The following ANKH variants were observed in gnomAD, a reference collection of about 807,000 sequenced individuals.
The protein encoded by ANKH is ANKH inorganic pyrophosphate transport regulator.
A neutral mutation model predicts 49.0 loss-of-function variants in ANKH; 15 were observed. That is an observed-to-expected ratio of 0.31 (90% CI 0.20 to 0.47). The LOEUF is 0.47. Ranked by LOEUF, ANKH falls within the 20% of genes least tolerant of loss-of-function variation. ANKH has a pLI of 1.00. For synonymous variants in ANKH, 273 were observed against 260.0 expected, an observed-to-expected ratio of 1.05 and a Z score of -0.48; for missense variants, 429 against 652.0, an observed-to-expected ratio of 0.66 and a Z score of 3.72.
chr5:14,800,731 T>C (rs1367468836), intron 1 of ANKH, among the ~76,000 whole-genome samples: 1 of 150,318 alleles, frequency 6.7e-6, no homozygotes, highest in Non-Finnish European at 1.5e-5. Flanking sequence ...TTTTTTCTTT[T>C]TTTTTTTTTT....
At position 14,725,543 on chromosome 5, in the gene ANKH, A is replaced by G. The variant is rs1658583523; in HGVS notation, c.1012-8708T>C. 6.6e-6 allele frequency among the ~76,000 whole-genome samples: 1 copy of G among 152,212 alleles called. No homozygotes were observed. Among genetic ancestry groups the G allele is most frequent in the Non-Finnish European group, 1.5e-5 (1 of 68,050 alleles). On this transcript the variant is annotated intron_variant, in intron 8 of 11. Transcript: ENST00000284268. This position sits in a 1 kb window ranked among gnomAD's most constrained non-coding sequence, Gnocchi z 4.0. ...CGAGCCTGCGAGCACTGCAGTTTGC[A>G]TAAACCGCTTTTCCAGCACCGGCAC...
rs917181262 is a variant in ANKH, at chr5:14,723,475, A to T, written c.1012-6640T>A. ...CCAGGAGTTCGAGACCAGCCTGGAC[A>T]ACACAAGACCCCATCTCTACAAACA... On this transcript the variant is annotated intron_variant, in intron 8 of 11. Coordinates refer to ENST00000284268, the MANE Select transcript of ANKH (RefSeq NM_054027.6). Among the ~76,000 whole-genome samples the T allele has an allele frequency of 2.9e-4, 44 of 152,026 alleles. 1 individual carries two copies.
At chr5:14,838,561 G>A (rs1171748527) in intron 1 of ANKH, among the ~76,000 whole-genome samples, 3 of 152,136 alleles carry the variant, frequency 2.0e-5, no homozygotes, top group African/African-American at 7.2e-5. Context: ...GCAAAACCCT[G>A]CTGGGGCACA....
At chr5:14,841,831 A>C (rs898957754) in intron 1 of ANKH, among the ~76,000 whole-genome samples, 4 of 152,182 alleles carry the variant, frequency 2.6e-5, no homozygotes, top group African/African-American at 9.7e-5. Flanking sequence ...AAAATTAGAC[A>C]GTATTTGTCT....
chr5:14,731,780 A>G (rs1738011008), intron 8 of ANKH, among the ~76,000 whole-genome samples: 1 of 152,360 alleles, frequency 6.6e-6, no homozygotes, highest in Admixed American at 6.5e-5. Flanking sequence ...TAATTTAAAA[A>G]GCAGGTATAG....
chr5:14,787,480 C>A (rs886794044), intron 1 of ANKH, among the ~76,000 whole-genome samples: 4 of 152,030 alleles, frequency 2.6e-5, no homozygotes, highest in African/African-American at 9.7e-5. Context: ...CTGACATACA[C>A]CAAGCTGTTC....
intron 6 of ANKH, 126 bp from the exon 7 acceptor site, chr5:14,746,088 A>G (rs1308535481): frequency 3.9e-6 from 3 of 766,368 alleles, no homozygotes; most frequent in Non-Finnish European, 4.5e-6. Context: ...ACACTGGGTG[A>G]CAAACATCAG....
chr5:14,718,833 C>CG (rs892060355), intron 8 of ANKH, among the ~76,000 whole-genome samples: 12 of 143,500 alleles, frequency 8.4e-5, no homozygotes, highest in Non-Finnish European at 1.5e-4. Flanking sequence ...AACACCACCC[C>CG]CCCCCCAAAA....
chr5:14,800,671 C>A (rs258225), intron 1 of ANKH, among the ~76,000 whole-genome samples: 93,833 of 151,718 alleles, frequency 0.62, 29,309 homozygotes, highest in East Asian at 0.84. Flanking sequence ...TTTTTAAGTC[C>A]TAATACATTG....
At chr5:14,787,196 C>T (rs1740006090) in intron 1 of ANKH, among the ~76,000 whole-genome samples, 1 of 152,122 alleles carries the variant, frequency 6.6e-6, no homozygotes, top group African/African-American at 2.4e-5. Context: ...CGCCTGTAAT[C>T]CCAGCTACTT....
At chr5:14,819,308 C>T (rs31917) in intron 1 of ANKH, among the ~76,000 whole-genome samples, 70,804 of 152,044 alleles carry the variant, frequency 0.47, 16,792 homozygotes, top group East Asian at 0.75. Context: ...GGAAATAGGC[C>T]GATACACAAG....
At chr5:14,718,925 GAGAC>G (rs1217848108) in intron 8 of ANKH, among the ~76,000 whole-genome samples, 1 of 151,014 alleles carries the variant, frequency 6.6e-6, no homozygotes, top group African/African-American at 2.4e-5. Context: ...GCCTACCACA[GAGAC>G]AGAGCAGAAG....
At chr5:14,722,834 G>A (rs942360228) in intron 8 of ANKH, among the ~76,000 whole-genome samples, 9 of 151,880 alleles carry the variant, frequency 5.9e-5, no homozygotes, top group African/African-American at 1.5e-4. Context: ...AAGGAAACCC[G>A]TCCTGACAGC....
chr5:14,793,211 C>T (rs1172819000), intron 1 of ANKH, among the ~76,000 whole-genome samples: 1 of 150,718 alleles, frequency 6.6e-6, no homozygotes, highest in Non-Finnish European at 1.5e-5. Flanking sequence ...GATGCGTCAG[C>T]AGAGCCAGGC....
At chr5:14,834,797 T>C (rs1741607746) in intron 1 of ANKH, among the ~76,000 whole-genome samples, 1 of 152,012 alleles carries the variant, frequency 6.6e-6, no homozygotes, top group Non-Finnish European at 1.5e-5. Context: ...AATAAATAAA[T>C]ATCTATTGTG....
chr5:14,730,599 T>C (rs2126445942), intron 8 of ANKH, among the ~76,000 whole-genome samples: 1 of 152,286 alleles, frequency 6.6e-6, no homozygotes, highest in East Asian at 1.9e-4. Context: ...AGCCAGTCTC[T>C]TGCAGGTCTC....
At chr5:14,746,729 T>C (rs1469626339) in intron 6 of ANKH, among the ~76,000 whole-genome samples, 1 of 152,228 alleles carries the variant, frequency 6.6e-6, no homozygotes, top group Non-Finnish European at 1.5e-5. Flanking sequence ...CAAAGTCAGT[T>C]CAGCCTACAC....
intron 1 of ANKH, among the ~76,000 whole-genome samples, chr5:14,841,569 T>C (rs995141659): frequency 6.6e-6 from 1 of 152,188 alleles, no homozygotes; most frequent in African/African-American, 2.4e-5. Flanking sequence ...AGTGCTAGGA[T>C]TACAAGTGTG....
intron 1 of ANKH, among the ~76,000 whole-genome samples, chr5:14,802,165 G>A (rs1455673809): frequency 6.6e-6 from 1 of 152,030 alleles, no homozygotes; most frequent in African/African-American, 2.4e-5. Context: ...TGGCTGGCAG[G>A]TGCTTCAATC....
Sources: gnomAD v4.1 joint callset for allele counts (sites outside exome capture counted in the v4.1 genomes callset) on GRCh38, gnomAD v4.1.1 for gene constraint, Gnocchi (gnomAD v3.1) non-coding constraint, MANE v1.5 for transcripts, NCBI Gene and HGNC (gene_info 2026-07-23, HGNC 2026-07-21) for gene names.